MYSM1: variants seen among roughly 807,000 people sequenced by gnomAD.
The protein encoded by MYSM1 is deubiquitinase MYSM1.
MYSM1 carries 51 observed loss-of-function variants against 116.0 expected under a neutral mutation model. That is an observed-to-expected ratio of 0.44 (90% CI 0.35 to 0.56). The LOEUF is 0.56. MYSM1 is among the 20% of genes least tolerant of loss of function. The probability of loss-of-function intolerance (pLI) is 0.00; values close to 1 mark genes in which losing one functional copy is unlikely to be tolerated. For missense variants in MYSM1, 900 were observed against 974.9 expected (o/e 0.92, Z 1.02); for synonymous variants, 313 against 315.2 (o/e 0.99, Z 0.07).
intron 10 of MYSM1, among the ~76,000 whole-genome samples, chr1:58,674,881 G>C (rs11207289): frequency 2.0e-5 from 3 of 148,378 alleles, no homozygotes; most frequent in Non-Finnish European, 3.0e-5. Context: ...GAGCCGAGAT[G>C]GCACCACCAT....
chr1:58,677,483 A>G (rs1053543585), intron 8 of MYSM1, among the ~76,000 whole-genome samples: 5 of 152,154 alleles, frequency 3.3e-5, no homozygotes, highest in Non-Finnish European at 5.9e-5. Flanking sequence ...GTGTCTTTCA[A>G]TTATCAGCTA....
chr1:58,674,053 G>A (rs2029648), intron 10 of MYSM1, among the ~76,000 whole-genome samples: 86,446 of 151,884 alleles, frequency 0.57, 24,900 homozygotes, highest in East Asian at 0.64. Flanking sequence ...TTTTTGAGAC[G>A]GAGTCTCACT....
At chr1:58,684,478 T>C (rs1644795929) in intron 7 of MYSM1, among the ~76,000 whole-genome samples, 2 of 146,012 alleles carry the variant, frequency 1.4e-5, no homozygotes, top group African/African-American at 5.1e-5. Context: ...GGCAGGAGAA[T>C]GGCGTGAACC....
intron 10 of MYSM1, among the ~76,000 whole-genome samples, chr1:58,675,238 T>C (rs576670090): frequency 6.6e-6 from 1 of 152,328 alleles, no homozygotes; most frequent in Non-Finnish European, 1.5e-5. Context: ...AGGAAAACAT[T>C]ATGCTTCTGC....
intron 10 of MYSM1, among the ~76,000 whole-genome samples, chr1:58,674,696 C>A (rs371057555): frequency 1.3e-5 from 2 of 151,962 alleles, no homozygotes; most frequent in African/African-American, 4.8e-5. Context: ...GAGGCCAAGG[C>A]GGGCGGATCA....
At chr1:58,698,442 A>C (rs946324530) in intron 1 of MYSM1, among the ~76,000 whole-genome samples, 5 of 151,998 alleles carry the variant, frequency 3.3e-5, no homozygotes, top group Non-Finnish European at 7.4e-5. Flanking sequence ...TGTATAAGAC[A>C]ATAATTGTAA....
chr1:58,698,102 A>ATATATATTTATTTATTTATTTAT lies in MYSM1; in HGVS notation c.68+1882_68+1883insATAAATAAATAAATAAATATATA. ...TATCAGACTATATATATATATATAT[A>ATATATATTTATTTATTTATTTAT]TTTTTTTTTTTTTTTTGAGACAGAG... On this transcript the variant is annotated intron_variant, in intron 1 of 19. Coordinates refer to ENST00000472487, the MANE Select transcript of MYSM1 (RefSeq NM_001085487.3). 2.6e-4 allele frequency among the ~76,000 whole-genome samples: 2 copies of ATATATATTTATTTATTTATTTAT among 7,776 alleles called. 1 individual carries two copies. The highest frequency in any genetic ancestry group is 5.1e-4 in the African/African-American group (2 of 3,892). 5.1% of individuals were successfully genotyped at this position (7,776 alleles called of 152,430 possible). A position where few individuals can be genotyped will look rare whatever the true frequency, so the allele number is the denominator to read the frequency against.
At chr1:58,681,486 G>A (rs570726133) in intron 8 of MYSM1, among the ~76,000 whole-genome samples, 91 of 152,190 alleles carry the variant, frequency 6.0e-4, no homozygotes, top group African/African-American at 2.1e-3. Context: ...CCCTTTTCCC[G>A]TGCAGTGGTG....
chr1:58,691,429 A>T (rs1199715793), intron 3 of MYSM1, among the ~76,000 whole-genome samples: 1 of 152,256 alleles, frequency 6.6e-6, no homozygotes, highest in Non-Finnish European at 1.5e-5. Flanking sequence ...AGATACTCTC[A>T]TTATTTGTTT....
Position 58,667,735 on chromosome 1 carries a change from T to G in MYSM1, c.1842+112A>C, listed in dbSNP as rs1470112025. The G allele has an allele frequency of 5.8e-6, 4 of 683,776 alleles. No individual in the cohort carries two copies. The East Asian group carries it at 1.1e-4, about 19-fold the overall frequency. 42.4% of individuals were successfully genotyped at this position (683,776 alleles called of 1,614,324 possible). ...CTTGCTACATTTGCATATTCTCATA[T>G]ATATCATAGGTAAAGTCTGTATTTT... On this transcript the variant is annotated intron_variant, in intron 15 of 19. Coordinates refer to ENST00000472487, the MANE Select transcript of MYSM1 (RefSeq NM_001085487.3).
At chr1:58,667,757 T>C in intron 15 of MYSM1, 90 bp downstream of exon 15, 1 of 795,076 alleles carries the variant, frequency 1.3e-6, no homozygotes. Flanking sequence ...AAAGTCTGTA[T>C]TTTAATTATA....
Position 58,667,242 on chromosome 1 carries a change from C to A in MYSM1, c.1843-16G>T. 6.8e-7 allele frequency: 1 copy of A among 1,460,350 alleles called. No individual in the cohort carries two copies. The highest frequency in any genetic ancestry group is 9.1e-7 in the Non-Finnish European group (1 of 1,093,874). 90.5% of individuals were successfully genotyped at this position (1,460,350 alleles called of 1,614,324 possible). The stretch of plus-strand genomic sequence containing the variant: ...CTGCACAGACCTATAAACGATTGAT[C>A]CTCAAATGATTATACTAAAATCCTG... On this transcript the variant is annotated splice_polypyrimidine_tract_variant and intron_variant, in intron 15 of 19. Transcript: ENST00000472487.
At chr1:58,671,468 T>G (rs956734672) in intron 12 of MYSM1, among the ~76,000 whole-genome samples, 14 of 152,234 alleles carry the variant, frequency 9.2e-5, no homozygotes, top group African/African-American at 2.9e-4. Flanking sequence ...ACTTATTTGG[T>G]GACCCTTAAT....
intron 12 of MYSM1, among the ~76,000 whole-genome samples, chr1:58,670,429 G>C (rs1266011651): frequency 6.6e-6 from 1 of 152,152 alleles, no homozygotes; most frequent in Non-Finnish European, 1.5e-5. Flanking sequence ...CAGAAAAGGA[G>C]GAACTAGATG....
rs1644748590 is a variant in MYSM1 at position 58,681,885 on chromosome 1, G to C, written c.1159C>G (p.Gln387Glu). The part of the protein sequence containing the change: ...QEIEIDRNII[Q>E]EEEKQAIPEF... ...GGAATTGCTTGTTTTTCTTCTTCTT[G>C]AATGATATTTCTATCTATTTCTATT... Residue 387 changes from glutamine (Q) to glutamate (E), a missense_variant, in exon 8 of 20, where the codon CAA becomes GAA. This residue lies in a region of MYSM1 where 622 missense variants were observed against 623.7 expected (regional missense o/e 1.00). Transcript: ENST00000472487. 1 of 1,613,728 alleles carries C rather than the reference G, an allele frequency of 6.2e-7. No individual in the cohort carries two copies. Among genetic ancestry groups the C allele is most frequent in the Middle Eastern group, 1.7e-4 (1 of 6,060 alleles).
chr1:58,696,725 T>C (rs764652840), intron 1 of MYSM1, among the ~76,000 whole-genome samples: 2 of 152,252 alleles, frequency 1.3e-5, no homozygotes, highest in African/African-American at 2.4e-5. Flanking sequence ...ATAGGATTGC[T>C]GTCTATGTTA....
chr1:58,663,911 GGTAAT>G (rs1644430532), intron 17 of MYSM1, among the ~76,000 whole-genome samples: 1 of 151,980 alleles, frequency 6.6e-6, no homozygotes, highest in African/African-American at 2.4e-5. Context: ...AGTAAGCTAG[GGTAAT>G]GTGGGGCTCT....
intron 7 of MYSM1, among the ~76,000 whole-genome samples, 155 bp from the exon 8 acceptor site, chr1:58,682,700 T>TC (rs1484221852): frequency 8.7e-6 from 1 of 114,600 alleles, no homozygotes; most frequent in African/African-American, 2.8e-5. Context: ...TTTTCTTTTC[T>TC]TTTTTTTTTT....
At chr1:58,688,243 T>C (rs189990916) in intron 6 of MYSM1, among the ~76,000 whole-genome samples, 6 of 152,064 alleles carry the variant, frequency 3.9e-5, no homozygotes, top group African/African-American at 1.4e-4. Context: ...AAACATTTTA[T>C]TCTCATCATC....
Sources: allele counts gnomAD v4.1 joint callset (sites outside exome capture counted in the v4.1 genomes callset), GRCh38; gene constraint gnomAD v4.1.1; regional missense constraint gnomAD v4.1.1; transcripts MANE v1.5; gene names NCBI Gene and HGNC (gene_info 2026-07-23, HGNC 2026-07-21).